SEMA4D: variants seen among roughly 807,000 people sequenced by gnomAD.
The protein encoded by SEMA4D is semaphorin 4D.
In SEMA4D, 22 loss-of-function variants were observed where a neutral mutation model predicts 74.8. The observed-to-expected ratio is 0.29, with a 90% CI of 0.21 to 0.42. The LOEUF is 0.42. Among genes scored for constraint, SEMA4D ranks in the 10% least tolerant of loss-of-function variants. The pLI, the probability that SEMA4D is intolerant of heterozygous loss-of-function variation, is 1.00. For synonymous variants in SEMA4D, 445 were observed against 463.7 expected, an observed-to-expected ratio of 0.96 and a Z score of 0.52; for missense variants, 937 against 1,118.4, an observed-to-expected ratio of 0.84 and a Z score of 2.31.
At chr9:89,453,248 T>C (rs377228363) in intron 2 of SEMA4D, among the ~76,000 whole-genome samples, 19 of 152,282 alleles carry the variant, frequency 1.2e-4, no homozygotes, top group East Asian at 9.6e-4. Flanking sequence ...TACAGGGTTG[T>C]TGTAAATTAA....
At chr9:89,476,978 C>T (rs1037240959) in intron 1 of SEMA4D, among the ~76,000 whole-genome samples, 3 of 152,146 alleles carry the variant, frequency 2.0e-5, no homozygotes, top group African/African-American at 7.2e-5. Context: ...CATCACTGTA[C>T]TACCATGTCA....
At chr9:89,446,073 T>C (rs1282514465) in intron 2 of SEMA4D, among the ~76,000 whole-genome samples, 1 of 152,122 alleles carries the variant, frequency 6.6e-6, no homozygotes, top group East Asian at 1.9e-4. Flanking sequence ...CTACCGATTC[T>C]CATGTCAACC....
chr9:89,494,478 T>C (rs145277188), intron 1 of SEMA4D, among the ~76,000 whole-genome samples: 118 of 152,352 alleles, frequency 7.7e-4, no homozygotes, highest in African/African-American at 2.7e-3. Flanking sequence ...TGGGCTTCCG[T>C]GCTGAGCGCC....
At chr9:89,406,212 TAC>T (rs1266662002) in intron 2 of SEMA4D, among the ~76,000 whole-genome samples, 1 of 152,020 alleles carries the variant, frequency 6.6e-6, no homozygotes, top group Non-Finnish European at 1.5e-5. Flanking sequence ...CACACATATG[TAC>T]ACACACACAT....
downstream of SEMA4D, among the ~76,000 whole-genome samples, chr9:89,373,203 G>A (rs1280183546): frequency 3.3e-5 from 5 of 152,112 alleles, no homozygotes; most frequent in South Asian, 2.1e-4. Flanking sequence ...CACCTCCACC[G>A]CACCCCACGT....
rs929987556 is a variant in SEMA4D at position 89,377,663 on chromosome 9, T to C, written c.*1041A>G. ...GTCTGGGCAGGCAGTGGGTAAGCAA[T>C]TGAAGCAAGAAGAGAAAGGAGATGT... On this transcript the variant is annotated 3_prime_UTR_variant, in exon 16 of 16. Transcript: ENST00000422704. The C allele has an allele frequency of 2.6e-5, 4 of 152,064 alleles. No individual in the cohort carries two copies. Among genetic ancestry groups the C allele is most frequent in the African/African-American group, 4.8e-5 (2 of 41,362 alleles). 9.4% of individuals were successfully genotyped at this position (152,064 alleles called of 1,614,324 possible).
At chr9:89,449,472 G>A in intron 2 of SEMA4D, 1 of 703,312 alleles carries the variant, frequency 1.4e-6, no homozygotes, top group East Asian at 2.5e-5. Flanking sequence ...CGAGGATCGA[G>A]GGAGCTCTGA....
chr9:89,375,038 G>A (rs1002106290), downstream of SEMA4D, among the ~76,000 whole-genome samples: 1 of 152,190 alleles, frequency 6.6e-6, no homozygotes, highest in African/African-American at 2.4e-5. Context: ...GGGCAACAGA[G>A]CAAGACTCTG....
At chr9:89,405,085 C>T (rs1281177238) in intron 3 of SEMA4D, among the ~76,000 whole-genome samples, 1 of 149,734 alleles carries the variant, frequency 6.7e-6, no homozygotes, top group African/African-American at 2.5e-5. Context: ...TGTCCCCAGC[C>T]ACCCGCCTCA....
intron 1 of SEMA4D, among the ~76,000 whole-genome samples, chr9:89,478,821 C>G (rs1862441673): frequency 6.7e-6 from 1 of 150,024 alleles, no homozygotes; most frequent in African/African-American, 2.5e-5. Context: ...GCAGCCACCG[C>G]TTTTGTTCCT....
chr9:89,389,568 A>G (rs369771501), intron 9 of SEMA4D, among the ~76,000 whole-genome samples: 1 of 152,212 alleles, frequency 6.6e-6, no homozygotes, highest in South Asian at 2.1e-4. Flanking sequence ...CTTTCTACCC[A>G]AAGTATCTGC....
chr9:89,472,385 G>A (rs1157152049), intron 1 of SEMA4D: 1 of 368,852 alleles, frequency 2.7e-6, no homozygotes, highest in African/African-American at 2.1e-5. Flanking sequence ...AGATGGACAG[G>A]AATGATCACT....
intron 6 of SEMA4D, among the ~76,000 whole-genome samples, chr9:89,395,474 T>C (rs561579645): frequency 6.6e-6 from 1 of 151,694 alleles, no homozygotes; most frequent in African/African-American, 2.4e-5. Flanking sequence ...TTAAACCAAA[T>C]ACAGTATCCT....
chr9:89,449,591 A>G, intron 2 of SEMA4D: 2 of 901,124 alleles, frequency 2.2e-6, no homozygotes, highest in East Asian at 2.4e-5. Flanking sequence ...GGAGCAAACT[A>G]TCGCCGAGGA....
At chr9:89,365,711 A>T (rs1833538493) in intron 16 of SEMA4D, 1 of 152,266 alleles carries the variant, frequency 6.6e-6, no homozygotes, top group Non-Finnish European at 1.5e-5. Context: ...CCTTGTTCTC[A>T]GGTGTAGGGG....
At position 89,492,012 on chromosome 9, in the gene SEMA4D, G is replaced by A. The variant is rs1344574734; in HGVS notation, c.-310+5907C>T. Among the ~76,000 whole-genome samples the A allele has an allele frequency of 3.3e-5, 5 of 152,118 alleles. No individual in the cohort carries two copies. Among genetic ancestry groups the A allele is most frequent in the Admixed American group, 3.3e-4 (5 of 15,278 alleles). ...CCACTCTGCTCCATCCTTCTCTTCA[G>A]GATGCAACCCTTCCAAGCGGGCCTC... On this transcript the variant is annotated intron_variant, in intron 1 of 15. Transcript: ENST00000422704. This position sits in a 1 kb window ranked among gnomAD's most constrained non-coding sequence, Gnocchi z 4.3.
rs533565482 is a variant in SEMA4D, at chr9:89,381,796, C to T, written c.1447-450G>A. The T allele has an allele frequency of 6.4e-6, 1 of 155,182 alleles. No homozygotes were observed. Among genetic ancestry groups the T allele is most frequent in the African/African-American group, 2.4e-5 (1 of 41,632 alleles). The allele number at this position is 155,182 out of a possible 1,614,324, so 9.6% of individuals were successfully genotyped here. A position where few individuals can be genotyped will look rare whatever the true frequency, so the allele number is the denominator to read the frequency against. ...GAAGCACACCACCTCGAAGCCCAAC[C>T]TCGTCCCCCGAGCCAGAATGTGAGC... On this transcript the variant is annotated intron_variant, in intron 13 of 15. Coordinates refer to ENST00000422704, the MANE Select transcript of SEMA4D (RefSeq NM_001371194.2). This position sits in a 1 kb window ranked among gnomAD's most constrained non-coding sequence, Gnocchi z 4.6.
At chr9:89,385,236 G>A in intron 13 of SEMA4D, 1 of 982,164 alleles carries the variant, frequency 1.0e-6, no homozygotes, top group Non-Finnish European at 1.2e-6. Context: ...ACCAGCCTGG[G>A]TCCCTAAGTG....
At chr9:89,454,674 T>C (rs530804198) in intron 2 of SEMA4D, among the ~76,000 whole-genome samples, 3 of 152,322 alleles carry the variant, frequency 2.0e-5, no homozygotes, top group South Asian at 2.1e-4. Flanking sequence ...CAAACCGCAG[T>C]GGGTGTCCCA....
Sources: gnomAD v4.1 joint callset for allele counts (sites outside exome capture counted in the v4.1 genomes callset) on GRCh38, gnomAD v4.1.1 for gene constraint, Gnocchi (gnomAD v3.1) non-coding constraint, MANE v1.5 for transcripts, NCBI Gene and HGNC (gene_info 2026-07-23, HGNC 2026-07-21) for gene names.